The following IFT122 variants were observed in gnomAD, a reference collection of about 807,000 sequenced individuals.
IFT122 encodes the protein intraflagellar transport 122, also known as intraflagellar transport protein 122 homolog.
Under a neutral mutation model 161.6 loss-of-function variants are expected in IFT122, and 118 were observed. The ratio of observed to expected loss-of-function variants is 0.73; its 90% CI spans 0.63 to 0.85. IFT122 has a LOEUF of 0.85. IFT122 is among the 40% of genes least tolerant of loss of function. The pLI, the probability that IFT122 is intolerant of heterozygous loss-of-function variation, is 0.00. For synonymous variants in IFT122, 550 were observed against 602.4 expected (o/e 0.91, Z 1.27); for missense variants, 1,381 against 1,579.6 (o/e 0.87, Z 2.13).
chr3:129,486,375 T>C lies in IFT122; in HGVS notation c.1852-1882T>C, dbSNP rs1252422840. On this transcript the variant is annotated intron_variant, in intron 15 of 29. Coordinates refer to ENST00000348417, the MANE Select transcript of IFT122 (RefSeq NM_052989.3). Reference sequence around the variant, plus strand: ...TTCTTTTCTGTGAAATGGGGTTAATTATACCCATCTTTCAGGTTTCGTCAA... The same window carrying C: ...TTCTTTTCTGTGAAATGGGGTTAATCATACCCATCTTTCAGGTTTCGTCAA... 3.9e-5 allele frequency among the ~76,000 whole-genome samples: 6 copies of C among 152,228 alleles called. No individual in the cohort carries two copies. In the South Asian group the frequency reaches 6.2e-4, roughly 16 times the overall value.
In IFT122 at chr3:129,514,503, C is replaced by A. The variant is rs150163240; in HGVS notation, c.3102C>A (p.Ser1034=). 1.3e-5 allele frequency: 21 copies of A among 1,614,244 alleles called. No homozygotes were observed. The highest frequency in any genetic ancestry group is 1.7e-5 in the Non-Finnish European group (20 of 1,180,044). ...GLYIPARFQK[S]IELGTLTIRA... The stretch of plus-strand genomic sequence containing the variant: ...ACATCCCTGCCAGATTCCAAAAGTC[C>A]ATTGAGCTGGGTACCCTGACCATCC... The change falls in exon 25 of 30, where the codon TCC becomes TCA. Residue 1034 remains serine, a synonymous_variant. Transcript: ENST00000348417.
chr3:129,478,576 CT>C (rs1480241986), intron 12 of IFT122, among the ~76,000 whole-genome samples: 6 of 152,174 alleles, frequency 3.9e-5, no homozygotes, highest in African/African-American at 1.4e-4. Context: ...TCCTGAGTAG[CT>C]GGCACCACAG....
At position 129,519,099 on chromosome 3, in the gene IFT122, C is replaced by G. The variant is rs2084401931; in HGVS notation, c.3392-8C>G. 1.2e-6 allele frequency: 2 copies of G among 1,613,048 alleles called. No individual in the cohort carries two copies. The highest frequency in any genetic ancestry group is 1.7e-6 in the Non-Finnish European group (2 of 1,178,992). ...CTTCTGATTCCATCCTTGACCAGATCCCTCCAGGCTCCCAGATTCTGCGGC... is the reference window on the plus strand; with the variant it reads ...CTTCTGATTCCATCCTTGACCAGATGCCTCCAGGCTCCCAGATTCTGCGGC... On this transcript the variant is annotated splice_region_variant and splice_polypyrimidine_tract_variant and intron_variant, in intron 27 of 29. Coordinates refer to ENST00000348417, the MANE Select transcript of IFT122 (RefSeq NM_052989.3).
intron 15 of IFT122, chr3:129,487,799 G>A (rs551013801): frequency 3.3e-4 from 95 of 286,460 alleles, no homozygotes; most frequent in African/African-American, 1.9e-3. Context: ...CTGTAACTGC[G>A]GCACAACCTG....
chr3:129,520,091 C>G, intron 29 of IFT122, 85 bp from the exon 30 acceptor site: 1 of 1,133,054 alleles, frequency 8.8e-7, no homozygotes, highest in Non-Finnish European at 1.3e-6. Flanking sequence ...GCCCCCTCCC[C>G]TTGAGAGGCA....
At chr3:129,515,048 G>C in intron 25 of IFT122, 1 of 370,112 alleles carries the variant, frequency 2.7e-6, no homozygotes, top group Non-Finnish European at 5.2e-6. Flanking sequence ...ACAGACCTGG[G>C]TTCACATCCC....
intron 6 of IFT122, among the ~76,000 whole-genome samples, chr3:129,463,890 GA>G (rs1156561012): frequency 6.6e-6 from 1 of 152,208 alleles, no homozygotes; most frequent in Non-Finnish European, 1.5e-5. Flanking sequence ...GAGGCTTGTT[GA>G]AAATGTGAGG....
intron 16 of IFT122, 134 bp downstream of exon 16, chr3:129,488,531 C>G (rs923241738): frequency 7.3e-6 from 8 of 1,098,332 alleles, no homozygotes; most frequent in African/African-American, 1.6e-5. Flanking sequence ...GGGCTTGTAT[C>G]TTAGCCACTT....
Position 129,476,427 on chromosome 3 carries a change from A to T in IFT122, c.929A>T (p.Asp310Val), listed in dbSNP as rs2077958275. Reference sequence around the variant, plus strand: ...AAGCAAGTATCTCTTTTCACCAAGGATGGAGTGCGGCTTGGGACTGTTGGG... The same window carrying T: ...AAGCAAGTATCTCTTTTCACCAAGGTTGGAGTGCGGCTTGGGACTGTTGGG... ...SDKQVSLFTK[D>V]GVRLGTVGEQ... is the part of the protein sequence containing the mutation. Residue 310 changes from aspartate (D) to valine (V), a missense_variant, in exon 10 of 30, where the codon GAT becomes GTT. By Grantham distance (152) the Asp-to-Val change is radical. Around this residue, in one of 7 missense-constraint regions of IFT122, gnomAD observed 544 missense variants for 648.0 expected, o/e 0.84. Coordinates refer to ENST00000348417, the MANE Select transcript of IFT122 (RefSeq NM_052989.3). The T allele has an allele frequency of 6.2e-7, 1 of 1,614,098 alleles. No individual in the cohort carries two copies.
chr3:129,455,127 C>T (rs2075316475), intron 3 of IFT122, among the ~76,000 whole-genome samples: 1 of 151,714 alleles, frequency 6.6e-6, no homozygotes, highest in Non-Finnish European at 1.5e-5. Context: ...CAGCTTTGCT[C>T]TTTAAGTCTG....
rs139375145 is a variant in IFT122, at chr3:129,457,132, A to G, written c.194-1467A>G. ...TACCTCTTAATCCTCGTCTCTCACC[A>G]GAGTAGGTGAAGACCCCGTTATTTG... is the stretch of plus-strand genomic sequence containing the variant. On this transcript the variant is annotated intron_variant, in intron 3 of 29. Transcript: ENST00000348417. Among the ~76,000 whole-genome samples the G allele has an allele frequency of 4.6e-4, 70 of 152,350 alleles. 1 individual carries two copies. Among genetic ancestry groups the G allele is most frequent in the South Asian group, 1.7e-3 (8 of 4,820 alleles).
intron 9 of IFT122, among the ~76,000 whole-genome samples, chr3:129,472,492 G>T (rs755043939): frequency 2.6e-5 from 4 of 152,040 alleles, no homozygotes; most frequent in African/African-American, 9.7e-5. Context: ...GGAAAGATAA[G>T]AATTATATTT....
intron 2 of IFT122, 75 bp downstream of exon 2, chr3:129,450,012 T>C (rs1443614594): frequency 1.6e-3 from 244 of 155,994 alleles, no homozygotes; most frequent in Non-Finnish European, 2.1e-3. Flanking sequence ...AATTTGACCC[T>C]TTTTTTTTTT....
chr3:129,494,943 C>G (rs2080662377), intron 17 of IFT122, among the ~76,000 whole-genome samples: 1 of 152,136 alleles, frequency 6.6e-6, no homozygotes, highest in South Asian at 2.1e-4. Context: ...AGTGGATGTT[C>G]AGCATGCGGG....
At chr3:129,486,145 G>A (rs924684575) in intron 15 of IFT122, among the ~76,000 whole-genome samples, 3 of 152,182 alleles carry the variant, frequency 2.0e-5, no homozygotes, top group African/African-American at 7.2e-5. Context: ...CACTCAAATT[G>A]TGCCTCCCAA....
chr3:129,513,123 C>T (rs893567858), intron 24 of IFT122: 1 of 154,514 alleles, frequency 6.5e-6, no homozygotes, highest in African/African-American at 2.4e-5. Context: ...GCCTGAGAGC[C>T]TACCTTTGGG....
At position 129,481,527 on chromosome 3, in the gene IFT122, C is replaced by T. The variant is rs2078647931; in HGVS notation, c.1489-3C>T. 6.5e-7 allele frequency: 1 copy of T among 1,546,368 alleles called. No individual in the cohort carries two copies. The highest frequency in any genetic ancestry group is 8.9e-7 in the Non-Finnish European group (1 of 1,119,396). On this transcript the variant is annotated splice_polypyrimidine_tract_variant and splice_region_variant and intron_variant, in intron 13 of 29. Coordinates refer to ENST00000348417, the MANE Select transcript of IFT122 (RefSeq NM_052989.3). ...GACACTGTTTTCGCTGAAATTTTGC[C>T]AGATCCTGAAGATCTTCGTGGACAA... is the stretch of plus-strand genomic sequence containing the variant.
rs926182974 is a variant in IFT122 at position 129,467,611 on chromosome 3, G to A, written c.740+545G>A. 6.6e-5 allele frequency among the ~76,000 whole-genome samples: 10 copies of A among 152,222 alleles called. No individual in the cohort carries two copies. In the East Asian group the frequency reaches 9.7e-4, roughly 15 times the overall value. ...ATTTTCTAGGATGTATATCAGAGAGGAAGCCCTTACCTTAGCCACAGTCTT... is the reference window on the plus strand; with the variant it reads ...ATTTTCTAGGATGTATATCAGAGAGAAAGCCCTTACCTTAGCCACAGTCTT... On this transcript the variant is annotated intron_variant, in intron 8 of 29. Transcript: ENST00000348417.
At chr3:129,469,923 G>C (rs2077189563) in intron 9 of IFT122, among the ~76,000 whole-genome samples, 1 of 152,196 alleles carries the variant, frequency 6.6e-6, no homozygotes, top group South Asian at 2.1e-4. Context: ...ATAGCAAAGA[G>C]CCCCTGTGTG....
Sources: allele counts gnomAD v4.1 joint callset (sites outside exome capture counted in the v4.1 genomes callset), GRCh38; gene constraint gnomAD v4.1.1; regional missense constraint gnomAD v4.1.1; transcripts MANE v1.5; gene names NCBI Gene and HGNC (gene_info 2026-07-23, HGNC 2026-07-21).